The following PPHLN1 variants were observed in gnomAD, a reference collection of about 807,000 sequenced individuals.
PPHLN1 encodes the protein periphilin 1.
PPHLN1 carries 29 observed loss-of-function variants against 51.3 expected under a neutral mutation model. The observed-to-expected ratio is 0.57, with a 90% CI of 0.42 to 0.77. The LOEUF is 0.77. Ranked by LOEUF, PPHLN1 falls within the 30% of genes least tolerant of loss-of-function variation. The pLI is 0.00. For missense variants in PPHLN1, 436 were observed against 438.4 expected (o/e 0.99, Z 0.05); for synonymous variants, 147 against 147.8 (o/e 0.99, Z 0.04).
At chr12:42,372,143 A>G (rs1237692178) in intron 4 of PPHLN1, among the ~76,000 whole-genome samples, 6 of 151,906 alleles carry the variant, frequency 3.9e-5, no homozygotes, top group Admixed American at 6.5e-5. Flanking sequence ...ACACACACAC[A>G]TATCTGAAAA....
chr12:42,336,281 A>AT (rs756003173), intron 2 of PPHLN1, among the ~76,000 whole-genome samples: 2 of 152,232 alleles, frequency 1.3e-5, no homozygotes, highest in Non-Finnish European at 2.9e-5. Flanking sequence ...GCAAAGAAGT[A>AT]TTTGAGTACC....
chr12:42,433,128 G>C (rs1429515240), intron 9 of PPHLN1: 1 of 775,248 alleles, frequency 1.3e-6, no homozygotes, highest in Non-Finnish European at 2.4e-6. Context: ...TTCATTGTAA[G>C]TAGCGTCACA....
At position 42,385,001 on chromosome 12, in the gene PPHLN1, G is replaced by A. The variant is rs370331508; in HGVS notation, c.568+5G>A. 35 of 1,601,698 alleles carry A rather than the reference G, an allele frequency of 2.2e-5. No homozygotes were observed. Among genetic ancestry groups the A allele is most frequent in the Non-Finnish European group, 2.9e-5 (34 of 1,168,836 alleles). ...ATGAAGGAAATCCTGAAAGAGGTGAGTTTTGAGCTAGACTCTGATTTGGGA... is the reference window on the plus strand; with the variant it reads ...ATGAAGGAAATCCTGAAAGAGGTGAATTTTGAGCTAGACTCTGATTTGGGA... On this transcript the variant is annotated splice_donor_5th_base_variant and intron_variant, in intron 6 of 9. Coordinates refer to ENST00000358314, the MANE Select transcript of PPHLN1 (RefSeq NM_201439.2).
At chr12:42,446,437 AC>A, downstream of PPHLN1, 1 of 1,331,500 alleles carries the variant, frequency 7.5e-7, no homozygotes, top group Non-Finnish European at 1.0e-6. Flanking sequence ...GGACTAACAT[AC>A]CCCCAGTGGG....
chr12:42,372,874 T>TTC (rs2075929766), intron 4 of PPHLN1, among the ~76,000 whole-genome samples: 1 of 152,204 alleles, frequency 6.6e-6, no homozygotes, highest in Non-Finnish European at 1.5e-5. Context: ...ATTTCATTAA[T>TTC]CTATCATGCC....
chr12:42,433,056 C>T (rs549972388), intron 9 of PPHLN1: 45 of 881,356 alleles, frequency 5.1e-5, no homozygotes, highest in Admixed American at 1.9e-4. Flanking sequence ...CATTTAAAGA[C>T]GGTATTTTTT....
chr12:42,432,841 C>T (rs1338649330), intron 9 of PPHLN1, among the ~76,000 whole-genome samples: 2 of 152,228 alleles, frequency 1.3e-5, no homozygotes, highest in African/African-American at 2.4e-5. Flanking sequence ...TGGTCATAAG[C>T]ATCAGCTTCA....
rs1392971177 is a variant in PPHLN1, at chr12:42,332,928, A to C, written c.-20-2955A>C. ...TCACTTCACATGTTATGCTTATTGA[A>C]TGATTTTCAGGAACTTTAAAAACAG... On this transcript the variant is annotated intron_variant, in intron 1 of 9. Coordinates refer to ENST00000358314, the MANE Select transcript of PPHLN1 (RefSeq NM_201439.2). Among the ~76,000 whole-genome samples, 2 of 152,146 alleles carry C rather than the reference A, an allele frequency of 1.3e-5. 1 individual carries two copies. Among genetic ancestry groups the C allele is most frequent in the Middle Eastern group, 6.3e-3 (2 of 316 alleles).
At chr12:42,413,470 C>T (rs2080059105) in intron 9 of PPHLN1, among the ~76,000 whole-genome samples, 1 of 151,498 alleles carries the variant, frequency 6.6e-6, no homozygotes, top group African/African-American at 2.4e-5. Context: ...TTCCATTGGT[C>T]TATGTGCCTT....
intron 6 of PPHLN1, 132 bp downstream of exon 6, chr12:42,385,128 C>A: frequency 1.1e-6 from 1 of 914,070 alleles, no homozygotes; most frequent in Non-Finnish European, 1.7e-6. Context: ...TAGCAGTAGA[C>A]CTAGGTACTA....
At chr12:42,340,331 A>T (rs2071289831) in intron 2 of PPHLN1, among the ~76,000 whole-genome samples, 2 of 106,490 alleles carry the variant, frequency 1.9e-5, no homozygotes, top group South Asian at 3.2e-4. Flanking sequence ...AAAAAAAAAG[A>T]TTTAAAAATA....
At chr12:42,367,731 CATTATT>C (rs889270880) in intron 4 of PPHLN1, among the ~76,000 whole-genome samples, 3 of 151,970 alleles carry the variant, frequency 2.0e-5, no homozygotes, top group Admixed American at 6.6e-5. Flanking sequence ...AAAAGTAAAT[CATTATT>C]ATTATTAAGT....
intron 1 of PPHLN1, among the ~76,000 whole-genome samples, chr12:42,333,717 C>T (rs545395638): frequency 5.1e-4 from 78 of 152,204 alleles, no homozygotes; most frequent in Admixed American, 1.5e-3. Flanking sequence ...CTCCTGACCT[C>T]GTGATCCGCC....
chr12:42,368,892 T>G (rs1369405768), intron 4 of PPHLN1, among the ~76,000 whole-genome samples: 1 of 152,190 alleles, frequency 6.6e-6, no homozygotes, highest in South Asian at 2.1e-4. Context: ...TTTCTTGATA[T>G]TCTGTGGGAA....
At chr12:42,446,334 C>T, downstream of PPHLN1, 3 of 1,527,914 alleles carry the variant, frequency 2.0e-6, no homozygotes, top group Non-Finnish European at 2.6e-6. Flanking sequence ...TTACCCGTAC[C>T]TACTATACCC....
intron 4 of PPHLN1, among the ~76,000 whole-genome samples, chr12:42,367,884 A>G (rs1442640936): frequency 1.3e-5 from 2 of 151,992 alleles, no homozygotes; most frequent in African/African-American, 4.8e-5. Context: ...ACAGGTGTGC[A>G]CCACCATGCC....
intron 9 of PPHLN1, among the ~76,000 whole-genome samples, chr12:42,431,251 A>G (rs1346337079): frequency 6.6e-6 from 1 of 152,206 alleles, no homozygotes; most frequent in Non-Finnish European, 1.5e-5. Context: ...AGTGCAAAAT[A>G]TTTTAGACTG....
chr12:42,442,629 TC>T, downstream of PPHLN1: 4 of 1,613,982 alleles, frequency 2.5e-6, no homozygotes, highest in Non-Finnish European at 3.4e-6. Context: ...TTTCATCCGG[TC>T]GCTCGGCCAG....
intron 5 of PPHLN1, among the ~76,000 whole-genome samples, chr12:42,382,970 AAAC>A (rs1262380993): frequency 6.6e-6 from 1 of 152,190 alleles, no homozygotes; most frequent in East Asian, 1.9e-4. Context: ...AACAAAAACA[AAAC>A]AAAAAAAACA....
Sources: allele counts gnomAD v4.1 joint callset (sites outside exome capture counted in the v4.1 genomes callset), GRCh38; gene constraint gnomAD v4.1.1; transcripts MANE v1.5; gene names NCBI Gene and HGNC (gene_info 2026-07-23, HGNC 2026-07-21).